SAMD7: variants seen among roughly 807,000 people sequenced by gnomAD.
The protein encoded by SAMD7 is sterile alpha motif domain-containing protein 7.
In SAMD7, 34 loss-of-function variants were observed where a neutral mutation model predicts 36.7. The observed-to-expected ratio is 0.93, with a 90% CI of 0.71 to 1.23. SAMD7 has a LOEUF of 1.23. Ranked by LOEUF, SAMD7 falls within the 50% of genes most tolerant of loss-of-function variation. The pLI, the probability that SAMD7 is intolerant of heterozygous loss-of-function variation, is 0.00. For synonymous variants in SAMD7, 188 were observed against 189.7 expected (o/e 0.99, Z 0.07); for missense variants, 570 against 546.6 (o/e 1.04, Z -0.43).
chr3:169,931,370 G>A (rs1011735534), intron 7 of SAMD7, among the ~76,000 whole-genome samples: 5 of 152,142 alleles, frequency 3.3e-5, no homozygotes, highest in Non-Finnish European at 7.3e-5. Context: ...CATGGCTGAG[G>A]GTTAGATCCT....
chr3:169,925,748 C>T (rs1184594213), intron 5 of SAMD7, among the ~76,000 whole-genome samples: 1 of 152,098 alleles, frequency 6.6e-6, no homozygotes, highest in Non-Finnish European at 1.5e-5. Flanking sequence ...AGAAATCACA[C>T]AGTGAAGCTA....
chr3:169,930,774 G>A (rs182689722), intron 7 of SAMD7, among the ~76,000 whole-genome samples: 1 of 151,708 alleles, frequency 6.6e-6, no homozygotes, highest in African/African-American at 2.4e-5. Flanking sequence ...GTAAAGACAG[G>A]GTTTCATCGT....
intron 7 of SAMD7, among the ~76,000 whole-genome samples, chr3:169,931,173 T>G (rs929137661): frequency 9.2e-5 from 14 of 152,232 alleles, no homozygotes; most frequent in African/African-American, 3.4e-4. Flanking sequence ...TTGTTCCAAG[T>G]AAATGTCTAG....
chr3:169,919,350 T>A, intron 2 of SAMD7, 108 bp from the exon 3 acceptor site: 1 of 647,378 alleles, frequency 1.5e-6, no homozygotes, highest in Non-Finnish European at 2.8e-6. Flanking sequence ...TAGCTAGTCT[T>A]CCCAAGTGTT....
In SAMD7 at chr3:169,928,469, T is replaced by C. The variant is rs1713360833; in HGVS notation, c.932T>C (p.Leu311Pro). Reference sequence around the variant, plus strand: ...TTCCATTTTAAAGGAACACATGCACTGGTTACAATTGGGGGGAATCTTTCT... The same window carrying C: ...TTCCATTTTAAAGGAACACATGCACCGGTTACAATTGGGGGGAATCTTTCT... ...PRPSLPGTHA[L>P]VTIGGNLSLD... The change falls in exon 7 of 9, where the codon CTG (leucine) becomes CCG (proline). Residue 311 changes from leucine (L) to proline (P), a missense_variant. Physicochemically the swap from Leu to Pro is moderately conservative, Grantham distance 98. Coordinates refer to ENST00000335556, the MANE Select transcript of SAMD7 (RefSeq NM_001304366.2). The C allele has an allele frequency of 6.2e-7, 1 of 1,612,214 alleles. No individual in the cohort carries two copies. The highest frequency in any genetic ancestry group is 8.5e-7 in the Non-Finnish European group (1 of 1,178,220).
In SAMD7 at chr3:169,921,273, A is replaced by C; in HGVS notation, c.146A>C (p.Gln49Pro). The C allele has an allele frequency of 6.2e-7, 1 of 1,613,994 alleles. No individual in the cohort carries two copies. Among genetic ancestry groups the C allele is most frequent in the Non-Finnish European group, 8.5e-7 (1 of 1,179,902 alleles). ...CCAAGACAGTTTTGCGTTCCTTCCC[A>C]ATTTGGATCCTCTGTTCTACCAAAC... ...TDPRQFCVPS[Q>P]FGSSVLPNTN... The change falls in exon 4 of 9, where the codon CAA becomes CCA. Residue 49 changes from glutamine (Q) to proline (P), a missense_variant. By Grantham distance (76) the Gln-to-Pro change is moderately conservative. Coordinates refer to ENST00000335556, the MANE Select transcript of SAMD7 (RefSeq NM_001304366.2).
chr3:169,936,503 A>G (rs1713723521), intron 8 of SAMD7, 54 bp downstream of exon 8: 4 of 919,726 alleles, frequency 4.3e-6, no homozygotes, highest in Non-Finnish European at 5.3e-6. Context: ...GCTTAATACA[A>G]ATATGTTACT....
At chr3:169,925,490 G>T (rs1713221131) in intron 5 of SAMD7, among the ~76,000 whole-genome samples, 2 of 152,090 alleles carry the variant, frequency 1.3e-5, no homozygotes, top group African/African-American at 4.8e-5. Flanking sequence ...ACTTTGGGAG[G>T]CCGAGGTGAG....
intron 2 of SAMD7, among the ~76,000 whole-genome samples, chr3:169,917,653 A>ATTTATTTATTTT (rs1712866470): frequency 6.6e-6 from 1 of 150,920 alleles, no homozygotes; most frequent in African/African-American, 2.4e-5. Context: ...TTATTTATTT[A>ATTTATTTATTTT]TTTTTTGAGA....
rs1254545836 is a variant in SAMD7, at chr3:169,932,641, C to T, written c.1042-3698C>T. On this transcript the variant is annotated intron_variant, in intron 7 of 8. Transcript: ENST00000335556. ...ACCGAGAAACAGAATCAGCTTGTGC[C>T]GATGGAGACACAATGGAAAAATCTG... 3.7e-5 allele frequency: 20 copies of T among 543,728 alleles called. No individual in the cohort carries two copies. The East Asian group carries it at 6.6e-4, about 18-fold the overall frequency. 33.7% of individuals were successfully genotyped at this position (543,728 alleles called of 1,614,324 possible). A position where few individuals can be genotyped will look rare whatever the true frequency, so the allele number is the denominator to read the frequency against.
chr3:169,930,555 G>T, intron 7 of SAMD7, among the ~76,000 whole-genome samples: 1 of 143,056 alleles, frequency 7.0e-6, no homozygotes, highest in Admixed American at 7.0e-5. Context: ...GTTACTCATT[G>T]TTACTCATAG....
rs1366011053 is a variant in SAMD7, at chr3:169,924,950, T to G, written c.212-108T>G. The G allele has an allele frequency of 1.3e-5, 5 of 390,274 alleles. No homozygotes were observed. In the South Asian group the frequency reaches 1.9e-4, roughly 15 times the overall value. The allele number at this position is 390,274 out of a possible 1,614,324, so 24.2% of individuals were successfully genotyped here. On this transcript the variant is annotated intron_variant, in intron 4 of 8. Coordinates refer to ENST00000335556, the MANE Select transcript of SAMD7 (RefSeq NM_001304366.2). ...AAAATTGTGCGCAATTGCTGGTTTG[T>G]TTTTTTTTTTTCAGATACTGTTTTA... is the stretch of plus-strand genomic sequence containing the variant.
chr3:169,930,465 C>T (rs1375344576), intron 7 of SAMD7, among the ~76,000 whole-genome samples: 1 of 152,112 alleles, frequency 6.6e-6, no homozygotes, highest in East Asian at 1.9e-4. Context: ...GGGAGATGCC[C>T]TCTGGATGCA....
chr3:169,912,456 A>G (rs1046125637), intron 1 of SAMD7, among the ~76,000 whole-genome samples: 1 of 152,238 alleles, frequency 6.6e-6, no homozygotes, highest in African/African-American at 2.4e-5. Context: ...ACAGATTTAT[A>G]TATAATGGAC....
intron 1 of SAMD7, among the ~76,000 whole-genome samples, chr3:169,913,907 G>A (rs919937286): frequency 2.0e-5 from 3 of 152,162 alleles, no homozygotes; most frequent in Non-Finnish European, 4.4e-5. Flanking sequence ...GGCTGATGAA[G>A]GGAAAGATCA....
Position 169,921,296 on chromosome 3 carries a change from A to G in SAMD7, c.169A>G (p.Asn57Asp), listed in dbSNP as rs1184019662. ...CCAATTTGGATCCTCTGTTCTACCA[A>G]ACACAAATATGGCAAATGTGTTGTC... ...PSQFGSSVLP[N>D]TNMANVLSSR... is the part of the protein sequence containing the mutation. Residue 57 changes from asparagine to aspartate, a missense_variant, in exon 4 of 9, where the codon AAC becomes GAC. Transcript: ENST00000335556. The G allele has an allele frequency of 6.2e-7, 1 of 1,614,158 alleles. No homozygotes were observed. Among genetic ancestry groups the G allele is most frequent in the South Asian group, 1.1e-5 (1 of 91,082 alleles).
At chr3:169,917,347 T>C (rs1215770441) in intron 2 of SAMD7, among the ~76,000 whole-genome samples, 2 of 152,170 alleles carry the variant, frequency 1.3e-5, no homozygotes, top group Non-Finnish European at 2.9e-5. Context: ...AAGCAGAACA[T>C]TTTCTTCCTA....
intron 3 of SAMD7, 109 bp downstream of exon 3, chr3:169,919,693 G>T: frequency 1.1e-6 from 1 of 907,642 alleles, no homozygotes; most frequent in Non-Finnish European, 1.8e-6. Context: ...TTATTTCAGT[G>T]AACTGTGGTG....
chr3:169,915,088 T>C (rs4955694), intron 1 of SAMD7, among the ~76,000 whole-genome samples: 137,649 of 152,214 alleles, frequency 0.9, 62,545 homozygotes, highest in East Asian at 1. Context: ...TCAAGCATAA[T>C]CCATATGCAA....
Sources: allele counts gnomAD v4.1 joint callset (sites outside exome capture counted in the v4.1 genomes callset), GRCh38; gene constraint gnomAD v4.1.1; transcripts MANE v1.5; gene names NCBI Gene and HGNC (gene_info 2026-07-23, HGNC 2026-07-21).